The following PTBP2 variants were observed in gnomAD, a reference collection of about 807,000 sequenced individuals.
PTBP2 encodes the protein polypyrimidine tract binding protein 2.
In PTBP2, 13 loss-of-function variants were observed where a neutral mutation model predicts 61.4. The observed-to-expected ratio is 0.21, with a 90% CI of 0.14 to 0.34. PTBP2 has a LOEUF of 0.34. Ranked by LOEUF, PTBP2 falls within the 10% of genes least tolerant of loss-of-function variation. PTBP2 has a pLI of 1.00. For missense variants in PTBP2, 405 were observed against 642.6 expected, an observed-to-expected ratio of 0.63 and a Z score of 4.00; for synonymous variants, 215 against 218.5, an observed-to-expected ratio of 0.98 and a Z score of 0.14.
intron 2 of PTBP2, among the ~76,000 whole-genome samples, chr1:96,727,997 A>G (rs980812153): frequency 2.7e-5 from 4 of 150,796 alleles, no homozygotes; most frequent in African/African-American, 9.7e-5. Flanking sequence ...AATAATAATA[A>G]TTTTTTTTTA....
At chr1:96,732,973 C>T (rs1651639085) in intron 2 of PTBP2, among the ~76,000 whole-genome samples, 2 of 150,882 alleles carry the variant, frequency 1.3e-5, no homozygotes, top group South Asian at 2.1e-4. Context: ...TTCTATATAC[C>T]TGTAATTTTC....
At chr1:96,802,988 GTA>G (rs1661175035) in intron 8 of PTBP2, among the ~76,000 whole-genome samples, 3 of 152,156 alleles carry the variant, frequency 2.0e-5, no homozygotes, top group African/African-American at 7.2e-5. Context: ...ATTGTTGTGT[GTA>G]GGAATGTTTG....
chr1:96,806,808 T>G, intron 10 of PTBP2, 58 bp from the exon 11 acceptor site: 2 of 1,260,642 alleles, frequency 1.6e-6, no homozygotes, highest in African/African-American at 1.5e-5. Flanking sequence ...AATCTTTAGG[T>G]GACTTCCACA....
intron 11 of PTBP2, among the ~76,000 whole-genome samples, chr1:96,810,866 G>T (rs1662013598): frequency 6.6e-6 from 1 of 152,084 alleles, no homozygotes; most frequent in Non-Finnish European, 1.5e-5. Context: ...TAGATAATTG[G>T]TTTTACAGGT....
At chr1:96,759,392 T>C (rs1434710163) in intron 3 of PTBP2, among the ~76,000 whole-genome samples, 1 of 152,226 alleles carries the variant, frequency 6.6e-6, no homozygotes, top group African/African-American at 2.4e-5. Context: ...GCATAGTTAG[T>C]GACACAGAAT....
chr1:96,793,985 G>T (rs902737051), intron 8 of PTBP2, among the ~76,000 whole-genome samples: 2 of 152,122 alleles, frequency 1.3e-5, no homozygotes, highest in African/African-American at 4.8e-5. Flanking sequence ...TTTTTCAAAG[G>T]TTTAACTGTC....
chr1:96,738,290 GT>G (rs1185625778), intron 2 of PTBP2, among the ~76,000 whole-genome samples: 2 of 151,768 alleles, frequency 1.3e-5, no homozygotes, highest in East Asian at 1.9e-4. Flanking sequence ...AATAAGGTGA[GT>G]TTTTTTTGTT....
At chr1:96,815,468 G>T (rs983520641), downstream of PTBP2, 1 of 152,018 alleles carries the variant, frequency 6.6e-6, no homozygotes, top group African/African-American at 2.4e-5. Flanking sequence ...AACAACTGAG[G>T]ATGTTACTAC....
intron 8 of PTBP2, among the ~76,000 whole-genome samples, chr1:96,791,832 T>TTTGTTTTTTTTTTGTTTG (rs1346568221): frequency 7.5e-6 from 1 of 132,896 alleles, no homozygotes; most frequent in African/African-American, 2.9e-5. Flanking sequence ...TGTGCTTTTT[T>TTTGTTTTTTTTTTGTTTG]TTTTTTTTTT....
chr1:96,763,894 A>C (rs962433977), intron 3 of PTBP2, among the ~76,000 whole-genome samples: 1 of 152,232 alleles, frequency 6.6e-6, no homozygotes, highest in Non-Finnish European at 1.5e-5. Context: ...AGCAAATAGC[A>C]TAAAAGACCT....
intron 8 of PTBP2, among the ~76,000 whole-genome samples, chr1:96,802,255 C>G (rs915463770): frequency 2.0e-5 from 3 of 147,210 alleles, no homozygotes; most frequent in African/African-American, 7.5e-5. Context: ...AACAAAAACT[C>G]CTTGTGATTC....
At chr1:96,804,473 T>C (rs919976751) in intron 8 of PTBP2, among the ~76,000 whole-genome samples, 1 of 152,060 alleles carries the variant, frequency 6.6e-6, no homozygotes, top group Non-Finnish European at 1.5e-5. Context: ...TGGAAGTGAA[T>C]TTTCCAAGCC....
rs1486308627 is a variant in PTBP2, at chr1:96,751,452, A to G, written c.67A>G (p.Ser23Gly). The G allele has an allele frequency of 6.2e-7, 1 of 1,612,994 alleles. No homozygotes were observed. Among genetic ancestry groups the G allele is most frequent in the Non-Finnish European group, 8.5e-7 (1 of 1,179,178 alleles). Residue 23 changes from serine to glycine, a missense_variant, in exon 3 of 14, where the codon AGT (serine) becomes GGT (glycine). This residue lies in a region of PTBP2 where 342 missense variants were observed against 491.2 expected (regional missense o/e 0.70). Transcript: ENST00000674951. ...AGGATCTGACGAACTACTCTCAGGC[A>G]GTGTTCTCAGTAGTCCGAACTCTAA... ...KRGSDELLSG[S>G]VLSSPNSNMS...
chr1:96,774,133 A>AT (rs1553181148), intron 5 of PTBP2, among the ~76,000 whole-genome samples: 2 of 150,970 alleles, frequency 1.3e-5, no homozygotes, highest in African/African-American at 2.4e-5. Flanking sequence ...AAAAAAAAAA[A>AT]GGAAGAAATT....
intron 5 of PTBP2, among the ~76,000 whole-genome samples, chr1:96,776,480 C>CAA (rs1658060667): frequency 6.6e-6 from 1 of 151,922 alleles, no homozygotes; most frequent in Non-Finnish European, 1.5e-5. Flanking sequence ...TCTGGACTCT[C>CAA]AAGCCGTGTG....
downstream of PTBP2, chr1:96,816,119 C>T (rs1662471648): frequency 6.6e-6 from 1 of 152,198 alleles, no homozygotes. Flanking sequence ...AGTTCCCAGT[C>T]TCCCTAGTGG....
At chr1:96,785,822 C>G (rs957029071) in intron 8 of PTBP2, among the ~76,000 whole-genome samples, 1 of 152,120 alleles carries the variant, frequency 6.6e-6, no homozygotes, top group South Asian at 2.1e-4. Flanking sequence ...TTGTCTTAAT[C>G]ATTTATATTT....
chr1:96,775,236 T>C (rs1026148219), intron 5 of PTBP2, among the ~76,000 whole-genome samples: 7 of 152,140 alleles, frequency 4.6e-5, no homozygotes, highest in Non-Finnish European at 8.8e-5. Flanking sequence ...ACTCGAAATA[T>C]CTACTAAAGT....
At chr1:96,764,621 A>G (rs1198443504) in intron 3 of PTBP2, among the ~76,000 whole-genome samples, 1 of 152,202 alleles carries the variant, frequency 6.6e-6, no homozygotes, top group Non-Finnish European at 1.5e-5. Context: ...AACTCTTTTA[A>G]GATTTTCATT....
Sources: gnomAD v4.1 joint callset for allele counts (sites outside exome capture counted in the v4.1 genomes callset) on GRCh38, gnomAD v4.1.1 for gene constraint, gnomAD v4.1.1 regional missense constraint, MANE v1.5 for transcripts, NCBI Gene and HGNC (gene_info 2026-07-23, HGNC 2026-07-21) for gene names.